Variants in BNC2 observed in about 807,000 individuals in gnomAD.
BNC2 encodes zinc finger protein basonuclin-2.
A neutral mutation model predicts 76.3 loss-of-function variants in BNC2; 20 were observed. The ratio of observed to expected loss-of-function variants is 0.26; its 90% CI spans 0.18 to 0.38. The LOEUF (loss-of-function observed/expected upper bound fraction) is 0.38. Ranked by LOEUF, BNC2 falls within the 10% of genes least tolerant of loss-of-function variation. The pLI is 1.00. For missense variants in BNC2, 1,382 were observed against 1,399.8 expected, an observed-to-expected ratio of 0.99 and a Z score of 0.20; for synonymous variants, 582 against 514.8, an observed-to-expected ratio of 1.13 and a Z score of -1.77.
At chr9:16,800,725 T>G (rs1488716744) in intron 1 of BNC2, among the ~76,000 whole-genome samples, 2 of 152,178 alleles carry the variant, frequency 1.3e-5, no homozygotes, top group Non-Finnish European at 2.9e-5. Flanking sequence ...CCTAGTGATT[T>G]TAAATGCCCT....
chr9:16,434,672 G>A (rs918827249), intron 6 of BNC2, among the ~76,000 whole-genome samples: 5 of 152,152 alleles, frequency 3.3e-5, no homozygotes, highest in Non-Finnish European at 5.9e-5. Flanking sequence ...ATTTTCTTGA[G>A]GATTAATAAA....
intron 5 of BNC2, among the ~76,000 whole-genome samples, chr9:16,456,552 C>CA (rs1821453545): frequency 7.0e-6 from 1 of 142,248 alleles, no homozygotes; most frequent in Admixed American, 7.0e-5. Context: ...AAAAAAAAAT[C>CA]AGAGTCCTAC....
At chr9:16,516,986 CGG>C (rs915389077) in intron 5 of BNC2, among the ~76,000 whole-genome samples, 34 of 152,294 alleles carry the variant, frequency 2.2e-4, no homozygotes, top group African/African-American at 5.5e-4. Flanking sequence ...ACTCTGTAAA[CGG>C]CATCCAGGAA....
intron 2 of BNC2, among the ~76,000 whole-genome samples, chr9:16,736,304 G>T (rs769128300): frequency 1.5e-4 from 23 of 151,348 alleles, no homozygotes; most frequent in Non-Finnish European, 3.1e-4. Flanking sequence ...ACTCAACACT[G>T]CCTTTAGAAT....
At chr9:16,772,452 G>C (rs1825856712) in intron 1 of BNC2, among the ~76,000 whole-genome samples, 1 of 151,946 alleles carries the variant, frequency 6.6e-6, no homozygotes, top group Non-Finnish European at 1.5e-5. Context: ...TACATTAACA[G>C]GCAGAAAATC....
intron 5 of BNC2, among the ~76,000 whole-genome samples, chr9:16,475,173 T>A (rs545850632): frequency 6.6e-6 from 1 of 152,280 alleles, no homozygotes; most frequent in African/African-American, 2.4e-5. Context: ...GACACTGGGT[T>A]AGATTTTTCC....
intron 1 of BNC2, among the ~76,000 whole-genome samples, chr9:16,799,973 C>T (rs933477251): frequency 6.6e-6 from 1 of 151,692 alleles, no homozygotes; most frequent in Non-Finnish European, 1.5e-5. Context: ...GCCTGTAATC[C>T]CAGCACTTTG....
At chr9:16,535,968 A>G (rs1005387489) in intron 5 of BNC2, among the ~76,000 whole-genome samples, 1 of 152,096 alleles carries the variant, frequency 6.6e-6, no homozygotes, top group Admixed American at 6.6e-5. Flanking sequence ...CACTGCCCCA[A>G]CCAACAGCCA....
chr9:16,633,698 G>A (rs1038794759), intron 3 of BNC2, among the ~76,000 whole-genome samples: 6 of 152,038 alleles, frequency 3.9e-5, no homozygotes, highest in South Asian at 2.1e-4. Context: ...ACAGTATATC[G>A]TAACATCGTG....
At chr9:16,454,320 A>T (rs1821402554) in intron 5 of BNC2, among the ~76,000 whole-genome samples, 1 of 149,428 alleles carries the variant, frequency 6.7e-6, no homozygotes, top group Admixed American at 6.7e-5. Flanking sequence ...TTTTAATTTT[A>T]GAGAGAGGGT....
chr9:16,715,219 C>T (rs1823964601), intron 3 of BNC2, among the ~76,000 whole-genome samples: 1 of 152,148 alleles, frequency 6.6e-6, no homozygotes, highest in East Asian at 1.9e-4. Context: ...TTTTAAAATC[C>T]TTATGCTTCT....
intron 3 of BNC2, among the ~76,000 whole-genome samples, chr9:16,610,768 C>A (rs1820522347): frequency 6.6e-6 from 1 of 152,116 alleles, no homozygotes; most frequent in South Asian, 2.1e-4. Context: ...CATACACACA[C>A]TTAAAATAAT....
intron 3 of BNC2, among the ~76,000 whole-genome samples, chr9:16,628,503 T>C (rs76914533): frequency 1.3e-5 from 2 of 152,242 alleles, no homozygotes; most frequent in Non-Finnish European, 2.9e-5. Context: ...GGGGTTTGCC[T>C]TAGATGTAAA....
chr9:16,539,624 AGGG>A (rs1818241646), intron 5 of BNC2, among the ~76,000 whole-genome samples: 1 of 39,708 alleles, frequency 2.5e-5, no homozygotes, highest in African/African-American at 1.4e-4. Flanking sequence ...GAGAGAAGGG[AGGG>A]AGGGAGCGAG....
intron 6 of BNC2, among the ~76,000 whole-genome samples, chr9:16,426,530 G>A (rs1649961310): frequency 6.6e-6 from 1 of 152,134 alleles, no homozygotes; most frequent in Admixed American, 6.5e-5. Flanking sequence ...CCCAAGGGAG[G>A]TGACACTATT....
At chr9:16,740,163 TGA>T (rs1327108873) in intron 1 of BNC2, among the ~76,000 whole-genome samples, 4 of 152,152 alleles carry the variant, frequency 2.6e-5, no homozygotes, top group Admixed American at 2.6e-4. Flanking sequence ...ATAGGATGCT[TGA>T]GAGTTTTAAA....
intron 4 of BNC2, among the ~76,000 whole-genome samples, chr9:16,564,789 A>G (rs1819122436): frequency 6.6e-6 from 1 of 151,134 alleles, no homozygotes; most frequent in South Asian, 2.1e-4. Context: ...ACCCAAAACA[A>G]TGATTGTCCA....
intron 4 of BNC2, chr9:16,575,503 G>A (rs1322806543): frequency 1.1e-6 from 1 of 917,978 alleles, no homozygotes; most frequent in Non-Finnish European, 1.3e-6. Flanking sequence ...GAAAATTTAA[G>A]GAGTGCAAAG....
chr9:16,708,444 T>C (rs955158497), intron 3 of BNC2, among the ~76,000 whole-genome samples: 1 of 152,118 alleles, frequency 6.6e-6, no homozygotes, highest in Non-Finnish European at 1.5e-5. Flanking sequence ...ATTGGCTAAA[T>C]CAACCCCCTC....
Sources: allele counts gnomAD v4.1 joint callset (sites outside exome capture counted in the v4.1 genomes callset), GRCh38; gene constraint gnomAD v4.1.1; transcripts MANE v1.5; gene names NCBI Gene and HGNC (gene_info 2026-07-23, HGNC 2026-07-21).